TRPS1: variants seen among roughly 807,000 people sequenced by gnomAD.
TRPS1 encodes the protein zinc finger transcription factor Trps1.
A neutral mutation model predicts 101.2 loss-of-function variants in TRPS1; 6 were observed. The ratio of observed to expected loss-of-function variants is 0.06; its 90% CI spans 0.03 to 0.12. The LOEUF is 0.12. Ranked by LOEUF, TRPS1 falls within the 10% of genes least tolerant of loss-of-function variation. The probability of loss-of-function intolerance (pLI) is 1.00; values close to 1 mark genes in which losing one functional copy is unlikely to be tolerated. For synonymous variants in TRPS1, 578 were observed against 589.8 expected, an observed-to-expected ratio of 0.98 and a Z score of 0.29; for missense variants, 1,363 against 1,567.0, an observed-to-expected ratio of 0.87 and a Z score of 2.20.
intron 5 of TRPS1, among the ~76,000 whole-genome samples, chr8:115,541,458 CT>C (rs1466861664): frequency 5.9e-5 from 9 of 152,186 alleles, no homozygotes; most frequent in Admixed American, 5.9e-4. Flanking sequence ...CAATAGAACA[CT>C]TTCACCTTTA....
At position 115,524,255 on chromosome 8, in the gene TRPS1, T is replaced by C. The variant is rs1187034852; in HGVS notation, c.2700+62746A>G. ...TGGCATGTGCTGATAGACCACTGTA[T>C]TGTTTCATAACATAAAACACTCACA... On this transcript the variant is annotated intron_variant, in intron 5 of 6. Transcript: ENST00000395715. Among the ~76,000 whole-genome samples the C allele has an allele frequency of 5.3e-5, 8 of 152,134 alleles. No homozygotes were observed. In the East Asian group the frequency reaches 1.5e-3, roughly 29 times the overall value.
At chr8:115,428,070 G>A (rs544542103) in intron 5 of TRPS1, among the ~76,000 whole-genome samples, 32 of 152,182 alleles carry the variant, frequency 2.1e-4, no homozygotes, top group South Asian at 4.2e-4. Context: ...AAATGGTGCT[G>A]GGGTTTTGAC....
At chr8:115,508,293 G>A (rs182875982) in intron 5 of TRPS1, among the ~76,000 whole-genome samples, 143 of 152,138 alleles carry the variant, frequency 9.4e-4, no homozygotes, top group African/African-American at 3.3e-3. Flanking sequence ...AGAAATAAAC[G>A]CCATTTTAAA....
In TRPS1 at chr8:115,517,872, G is replaced by A. The variant is rs187274309; in HGVS notation, c.2700+69129C>T. On this transcript the variant is annotated intron_variant, in intron 5 of 6. Coordinates refer to ENST00000395715, the MANE Select transcript of TRPS1 (RefSeq NM_014112.5). ...TGCACTGTTTGACACTTTCAATCCT[G>A]GTTGACTGGGTTTGTTTGATAATTG... Among the ~76,000 whole-genome samples, 144 of 151,750 alleles carry A rather than the reference G, an allele frequency of 9.5e-4. 1 individual carries two copies. Among genetic ancestry groups the A allele is most frequent in the African/African-American group, 3.4e-3 (142 of 41,456 alleles).
chr8:115,566,343 A>T (rs1817066928), intron 5 of TRPS1, among the ~76,000 whole-genome samples: 2 of 152,152 alleles, frequency 1.3e-5, no homozygotes, highest in South Asian at 2.1e-4. Flanking sequence ...AGCCTGCAGC[A>T]ACAAGAAGAA....
intron 5 of TRPS1, among the ~76,000 whole-genome samples, chr8:115,477,389 T>C (rs1053115371): frequency 3.3e-5 from 5 of 152,174 alleles, no homozygotes; most frequent in Non-Finnish European, 5.9e-5. Flanking sequence ...ACTAGCAGGG[T>C]TCCTTCACAA....
At position 115,604,981 on chromosome 8, in the gene TRPS1, T is replaced by C. The variant is rs748358474; in HGVS notation, c.988A>G (p.Ile330Val). 3.1e-6 allele frequency: 5 copies of C among 1,613,616 alleles called. No homozygotes were observed. Among genetic ancestry groups the C allele is most frequent in the Non-Finnish European group, 4.2e-6 (5 of 1,179,934 alleles). Reference sequence around the variant, plus strand: ...TCTGGTGTTTTCCGTCCAATGCCAATGAATGTTCCACCTGAAGTCACCTGG... The same window carrying C: ...TCTGGTGTTTTCCGTCCAATGCCAACGAATGTTCCACCTGAAGTCACCTGG... ...DVQVTSGGTF[I>V]GIGRKTPDCQ... is the part of the protein sequence containing the mutation. Residue 330 changes from isoleucine to valine, a missense_variant, in exon 4 of 7, where the codon ATT becomes GTT. By Grantham distance (29) the Ile-to-Val change is conservative (BLOSUM62 3). This residue lies in a region of TRPS1 where 1,020 missense variants were observed against 1,073.0 expected (regional missense o/e 0.95). Transcript: ENST00000395715. This position sits in a 1 kb window ranked among gnomAD's most constrained non-coding sequence, Gnocchi z 4.1.
intron 5 of TRPS1, among the ~76,000 whole-genome samples, chr8:115,558,111 G>A (rs889621328): frequency 1.3e-5 from 2 of 151,136 alleles, no homozygotes; most frequent in Admixed American, 6.6e-5. Flanking sequence ...AAAAGGCTTT[G>A]CATTTCTTGC....
intron 5 of TRPS1, among the ~76,000 whole-genome samples, chr8:115,423,040 G>C (rs1032973186): frequency 6.6e-6 from 1 of 152,176 alleles, no homozygotes; most frequent in Non-Finnish European, 1.5e-5. Context: ...GCCGCAAAGA[G>C]TAGCTGCAAT....
intron 5 of TRPS1, among the ~76,000 whole-genome samples, chr8:115,482,793 T>C (rs1009209207): frequency 1.3e-5 from 2 of 152,106 alleles, no homozygotes; most frequent in African/African-American, 4.8e-5. Flanking sequence ...ACCTCAATAA[T>C]GAGGATCCAT....
chr8:115,421,806 C>A (rs1813068885), intron 5 of TRPS1, among the ~76,000 whole-genome samples: 1 of 152,168 alleles, frequency 6.6e-6, no homozygotes, highest in South Asian at 2.1e-4. Flanking sequence ...CGAGCCCTGA[C>A]CTGGTCACAC....
intron 5 of TRPS1, among the ~76,000 whole-genome samples, chr8:115,422,612 G>A (rs1563720510): frequency 6.6e-6 from 1 of 151,946 alleles, no homozygotes; most frequent in Non-Finnish European, 1.5e-5. Flanking sequence ...GTGATCCACC[G>A]GCCTCTGCCT....
chr8:115,587,114 T>G lies in TRPS1; in HGVS notation c.2587A>C (p.Lys863Gln). The change falls in exon 5 of 7, where the codon AAG (lysine) becomes CAG (glutamine). Residue 863 changes from lysine (K) to glutamine (Q), a missense_variant. Transcript: ENST00000395715. ...RPIYGLAVET[K>Q]GFLQGAPAGG... The stretch of plus-strand genomic sequence containing the variant: ...GCTGGCGCCCCCTGCAGGAATCCCT[T>G]GGTTTCCACAGCCAAGCCATAAATA... 6.2e-7 allele frequency: 1 copy of G among 1,614,132 alleles called. No individual in the cohort carries two copies. Among genetic ancestry groups the G allele is most frequent in the Non-Finnish European group, 8.5e-7 (1 of 1,180,000 alleles).
intron 5 of TRPS1, among the ~76,000 whole-genome samples, chr8:115,483,111 C>G (rs542061427): frequency 6.6e-6 from 1 of 152,260 alleles, no homozygotes; most frequent in South Asian, 2.1e-4. Context: ...TGAACAGATA[C>G]TAGCACAGAA....
chr8:115,421,788 T>C (rs1003634364), intron 5 of TRPS1, among the ~76,000 whole-genome samples: 1 of 152,110 alleles, frequency 6.6e-6, no homozygotes, highest in Non-Finnish European at 1.5e-5. Flanking sequence ...TAAAACACCA[T>C]ACAGATGCGA....
rs909935794 is a variant in TRPS1, at chr8:115,418,507, T to C, written c.2701-55A>G. 20 of 1,613,376 alleles carry C rather than the reference T, an allele frequency of 1.2e-5. No individual in the cohort carries two copies. In the South Asian group the frequency reaches 2.0e-4, roughly 16 times the overall value. On this transcript the variant is annotated intron_variant, in intron 5 of 6. Coordinates refer to ENST00000395715, the MANE Select transcript of TRPS1 (RefSeq NM_014112.5). The surrounding 1 kb of genome is among the most constrained non-coding windows in gnomAD (Gnocchi z 4.3). ...AGGTGAGTCACATGATCAGTGGAGTTAGACCAAATCAACCCAGGAGTTTTG... is the reference window on the plus strand; with the variant it reads ...AGGTGAGTCACATGATCAGTGGAGTCAGACCAAATCAACCCAGGAGTTTTG...
intron 5 of TRPS1, among the ~76,000 whole-genome samples, chr8:115,510,380 A>G: frequency 6.6e-6 from 1 of 152,096 alleles, no homozygotes; most frequent in Admixed American, 6.6e-5. Flanking sequence ...GCAGACACTG[A>G]ACTGATTGAT....
chr8:115,630,516 T>G (rs1818615893), intron 1 of TRPS1, among the ~76,000 whole-genome samples: 1 of 152,030 alleles, frequency 6.6e-6, no homozygotes, highest in Non-Finnish European at 1.5e-5. Context: ...GTTTTACAAA[T>G]AGTTCTTTCA....
At chr8:115,656,619 T>C (rs1449744549) in intron 1 of TRPS1, among the ~76,000 whole-genome samples, 2 of 152,152 alleles carry the variant, frequency 1.3e-5, no homozygotes, top group South Asian at 2.1e-4. Flanking sequence ...TCACAAAGAA[T>C]ACTATATGAT....
Sources: gnomAD v4.1 joint callset for allele counts (sites outside exome capture counted in the v4.1 genomes callset) on GRCh38, gnomAD v4.1.1 for gene constraint, gnomAD v4.1.1 regional missense constraint, Gnocchi (gnomAD v3.1) non-coding constraint, MANE v1.5 for transcripts, NCBI Gene and HGNC (gene_info 2026-07-23, HGNC 2026-07-21) for gene names.